APBA2: variants seen among roughly 807,000 people sequenced by gnomAD.
APBA2 encodes amyloid beta precursor protein binding family A member 2.
APBA2 carries 30 observed loss-of-function variants against 75.0 expected under a neutral mutation model. The ratio of observed to expected loss-of-function variants is 0.40; its 90% CI spans 0.30 to 0.54. The LOEUF is 0.54. APBA2 is among the 20% of genes least tolerant of loss of function. APBA2 has a pLI of 0.49. For synonymous variants in APBA2, 444 were observed against 409.6 expected (o/e 1.08, Z -1.01); for missense variants, 801 against 1,016.1 (o/e 0.79, Z 2.88).
At chr15:29,075,951 G>A (rs1357096334) in intron 5 of APBA2, 104 bp from the exon 6 acceptor site, 1 of 1,043,496 alleles carries the variant, frequency 9.6e-7, no homozygotes, top group Non-Finnish European at 1.5e-6. Context: ...TGGGGGGTTT[G>A]CTTTTCTCAT....
At chr15:28,987,912 C>CA (rs2038015598) in intron 2 of APBA2, among the ~76,000 whole-genome samples, 1 of 151,528 alleles carries the variant, frequency 6.6e-6, no homozygotes. Flanking sequence ...CACACACCAC[C>CA]ACACCTGGCT....
chr15:29,034,080 T>C (rs2040625074), intron 3 of APBA2, among the ~76,000 whole-genome samples: 1 of 151,526 alleles, frequency 6.6e-6, no homozygotes. Context: ...AGCATCCAAG[T>C]GTGACAGTAA....
intron 3 of APBA2, among the ~76,000 whole-genome samples, chr15:29,004,107 C>T (rs2152805434): frequency 6.6e-6 from 1 of 152,320 alleles, no homozygotes; most frequent in Admixed American, 6.5e-5. Flanking sequence ...ATGCTCCACA[C>T]CTGCTCTCAG....
chr15:29,033,825 C>T lies in APBA2; in HGVS notation c.-40-20020C>T, dbSNP rs567226161. ...AAATATTTTTAAAAAATTAGCCGAGCGTGGTGGCGGGCGCCTGTAGTCCCA... is the reference window on the plus strand; with the variant it reads ...AAATATTTTTAAAAAATTAGCCGAGTGTGGTGGCGGGCGCCTGTAGTCCCA... On this transcript the variant is annotated intron_variant, in intron 3 of 14. Transcript: ENST00000683413. Among the ~76,000 whole-genome samples, 14 of 151,800 alleles carry T rather than the reference C, an allele frequency of 9.2e-5. 1 individual carries two copies. The South Asian group carries it at 1.7e-3, about 18-fold the overall frequency.
intron 3 of APBA2, among the ~76,000 whole-genome samples, chr15:28,999,807 T>C (rs1156742367): frequency 6.6e-6 from 1 of 152,196 alleles, no homozygotes; most frequent in Non-Finnish European, 1.5e-5. Context: ...TTGGCTTGCA[T>C]GATATGGCAT....
intron 4 of APBA2, among the ~76,000 whole-genome samples, chr15:29,059,425 G>C (rs1039339890): frequency 8.5e-5 from 13 of 152,072 alleles, no homozygotes; most frequent in African/African-American, 2.9e-4. Context: ...TTAAGGAAAA[G>C]GTGGAGGAAT....
chr15:29,060,256 G>T (rs1247620785), intron 4 of APBA2, among the ~76,000 whole-genome samples: 1 of 152,192 alleles, frequency 6.6e-6, no homozygotes, highest in Non-Finnish European at 1.5e-5. Context: ...CATGTTAGGG[G>T]TGTTAGGAAT....
chr15:28,897,647 A>AGAAAATT (rs1566779780), intron 1 of APBA2, among the ~76,000 whole-genome samples: 42 of 150,452 alleles, frequency 2.8e-4, no homozygotes, highest in African/African-American at 1.0e-3. Context: ...AGAGAAAAAG[A>AGAAAATT]GCAGAAAATA....
intron 3 of APBA2, among the ~76,000 whole-genome samples, chr15:28,998,248 A>C (rs770572805): frequency 1.4e-5 from 2 of 138,548 alleles, no homozygotes; most frequent in Non-Finnish European, 1.5e-5. Flanking sequence ...ACTATATCCT[A>C]TGATAACCGT....
intron 8 of APBA2, among the ~76,000 whole-genome samples, chr15:29,096,280 A>G (rs561540434): frequency 1.3e-5 from 2 of 152,120 alleles, no homozygotes; most frequent in South Asian, 4.2e-4. Context: ...GCCAAGGAGG[A>G]TGATGGGTGT....
rs113232180 is a variant in APBA2, at chr15:28,929,971, G to A, written c.-95+8222G>A. ...ACCTACTAAAGGAAAGGTTGCTTCTGCCCATCCTCAAAGCTGTTGAGCAGT... is the reference window on the plus strand; with the variant it reads ...ACCTACTAAAGGAAAGGTTGCTTCTACCCATCCTCAAAGCTGTTGAGCAGT... On this transcript the variant is annotated intron_variant, in intron 2 of 14. Transcript: ENST00000683413. 9.6e-3 allele frequency among the ~76,000 whole-genome samples: 1,456 copies of A among 152,210 alleles called. 24 individuals are homozygous for A. Among genetic ancestry groups the A allele is most frequent in the African/African-American group, 0.033 (1,363 of 41,520 alleles).
intron 2 of APBA2, among the ~76,000 whole-genome samples, chr15:28,987,729 GATATAT>G (rs146348050): frequency 1.1e-4 from 12 of 106,240 alleles, no homozygotes; most frequent in African/African-American, 1.7e-4. Flanking sequence ...TGTGGAGAGA[GATATAT>G]ATATATATAT....
intron 9 of APBA2, among the ~76,000 whole-genome samples, chr15:29,100,031 G>A (rs1043659879): frequency 9.2e-5 from 14 of 152,186 alleles, no homozygotes; most frequent in Non-Finnish European, 1.8e-4. Context: ...AAAGCTGTTG[G>A]GGCAGAGGAG....
chr15:29,111,071 C>T (rs2044702560), intron 13 of APBA2, among the ~76,000 whole-genome samples: 1 of 152,016 alleles, frequency 6.6e-6, no homozygotes, highest in Non-Finnish European at 1.5e-5. Context: ...ACTTGCGGGG[C>T]CTGCAGTGAG....
rs1448659996 is a variant in APBA2 at position 29,094,273 on chromosome 15, G to A, written c.1216-5G>A. 2 of 1,614,198 alleles carry A rather than the reference G, an allele frequency of 1.2e-6. No homozygotes were observed. The highest frequency in any genetic ancestry group is 2.7e-5 in the African/African-American group (2 of 75,048). ...TTGTTTTTCTTTTCTCTTCCATGCT[G>A]TCAGAGGATGCAAAAGGCTGCTAAG... On this transcript the variant is annotated splice_region_variant and splice_polypyrimidine_tract_variant and intron_variant, in intron 7 of 14. Transcript: ENST00000683413.
At chr15:28,930,524 C>T (rs886469249) in intron 2 of APBA2, among the ~76,000 whole-genome samples, 2 of 152,144 alleles carry the variant, frequency 1.3e-5, no homozygotes, top group African/African-American at 4.8e-5. Flanking sequence ...GCTTCTCCCA[C>T]CCGGCTGGAG....
At chr15:29,089,564 C>T (rs912698151) in intron 6 of APBA2, among the ~76,000 whole-genome samples, 2 of 152,188 alleles carry the variant, frequency 1.3e-5, no homozygotes, top group African/African-American at 4.8e-5. Context: ...CCTTAGAAGC[C>T]TCTGTCCACC....
chr15:28,898,897 G>A (rs2032673853), intron 1 of APBA2, among the ~76,000 whole-genome samples: 1 of 152,218 alleles, frequency 6.6e-6, no homozygotes, highest in South Asian at 2.1e-4. Flanking sequence ...AGTGAGATCA[G>A]GGTATGTAAA....
At chr15:29,063,017 G>T (rs1595871432) in intron 4 of APBA2, among the ~76,000 whole-genome samples, 3 of 113,246 alleles carry the variant, frequency 2.6e-5, no homozygotes, top group African/African-American at 6.6e-5. Flanking sequence ...GTATGGGTGG[G>T]GAGGGGAGTT....
Sources: gnomAD v4.1 joint callset for allele counts (sites outside exome capture counted in the v4.1 genomes callset) on GRCh38, gnomAD v4.1.1 for gene constraint, MANE v1.5 for transcripts, NCBI Gene and HGNC (gene_info 2026-07-23, HGNC 2026-07-21) for gene names.